Variants in TRAPPC9 observed in about 807,000 individuals in gnomAD.
TRAPPC9 encodes the protein trafficking protein particle complex subunit 9, also known as IKK2 binding protein.
TRAPPC9 carries 83 observed loss-of-function variants against 124.0 expected under a neutral mutation model. The observed-to-expected ratio is 0.67, with a 90% CI of 0.56 to 0.80. TRAPPC9 has a LOEUF of 0.80. Among genes scored for constraint, TRAPPC9 ranks in the 30% least tolerant of loss-of-function variants. The pLI is 0.00. For synonymous variants in TRAPPC9, 638 were observed against 617.5 expected, an observed-to-expected ratio of 1.03 and a Z score of -0.49; for missense variants, 1,302 against 1,508.3, an observed-to-expected ratio of 0.86 and a Z score of 2.27.
intron 17 of TRAPPC9, among the ~76,000 whole-genome samples, chr8:140,165,438 T>G (rs1232306055): frequency 6.7e-6 from 1 of 150,234 alleles, no homozygotes; most frequent in African/African-American, 2.5e-5. Context: ...ACTCGGGAGG[T>G]TGAGGCAGGA....
At chr8:140,233,332 G>A (rs561339869) in intron 16 of TRAPPC9, among the ~76,000 whole-genome samples, 3 of 152,112 alleles carry the variant, frequency 2.0e-5, no homozygotes, top group East Asian at 1.9e-4. Context: ...AGCCTCCCGA[G>A]TAGCTGGGAT....
intron 9 of TRAPPC9, among the ~76,000 whole-genome samples, chr8:140,352,620 T>G (rs1400448324): frequency 2.0e-5 from 3 of 152,146 alleles, no homozygotes; most frequent in African/African-American, 7.2e-5. Context: ...TGGCCGCCGC[T>G]CCCTGCCTGA....
intron 17 of TRAPPC9, among the ~76,000 whole-genome samples, chr8:140,219,329 G>C (rs1432990676): frequency 6.6e-6 from 1 of 152,198 alleles, no homozygotes; most frequent in Non-Finnish European, 1.5e-5. Flanking sequence ...CAAGACCCTA[G>C]TTCCCCTAAG....
At chr8:140,403,782 C>T (rs72692384) in intron 6 of TRAPPC9, among the ~76,000 whole-genome samples, 42,338 of 151,654 alleles carry the variant, frequency 0.28, 6,873 homozygotes, top group East Asian at 0.44. Context: ...CTCAGCCTCC[C>T]GAGTAGCTGG....
chr8:139,929,725 G>A (rs115404050), intron 19 of TRAPPC9, among the ~76,000 whole-genome samples: 297 of 152,360 alleles, frequency 1.9e-3, no homozygotes, highest in African/African-American at 6.8e-3. Context: ...CCATGCACCC[G>A]ACACATAGGT....
At chr8:139,885,735 T>A in intron 21 of TRAPPC9, 144 bp downstream of exon 21, 2 of 790,510 alleles carry the variant, frequency 2.5e-6, no homozygotes, top group Non-Finnish European at 4.2e-6. Context: ...TGAGCCCGTC[T>A]TTTTCCCCCA....
intron 5 of TRAPPC9, among the ~76,000 whole-genome samples, chr8:140,425,755 A>T (rs1382449146): frequency 6.6e-6 from 1 of 152,206 alleles, no homozygotes; most frequent in Non-Finnish European, 1.5e-5. Context: ...CTTCAGTGGC[A>T]TAAAGTCTGC....
At position 140,421,249 on chromosome 8, in the gene TRAPPC9, C is replaced by CAT. The variant is rs550544863; in HGVS notation, c.886+5364_886+5365dup. Among the ~76,000 whole-genome samples the CAT allele has an allele frequency of 2.5e-4, 38 of 152,284 alleles. No individual in the cohort carries two copies. In the South Asian group the frequency reaches 7.5e-3, roughly 30 times the overall value. On this transcript the variant is annotated intron_variant, in intron 5 of 22. Transcript: ENST00000438773. Reference sequence around the variant, plus strand: ...AGACGGAAATACATGCATGAACACACATATATATAAAGTCTACCCCCATGC... The same window carrying CAT: ...AGACGGAAATACATGCATGAACACACATATATATATAAAGTCTACCCCCATGC...
intron 15 of TRAPPC9, among the ~76,000 whole-genome samples, chr8:140,268,252 C>T (rs917959857): frequency 1.3e-5 from 2 of 152,190 alleles, no homozygotes; most frequent in Non-Finnish European, 2.9e-5. Context: ...GAGTCCTATA[C>T]TGTCTCTGCT....
chr8:139,768,747 A>G (rs1457121138), intron 21 of TRAPPC9, among the ~76,000 whole-genome samples: 1 of 152,238 alleles, frequency 6.6e-6, no homozygotes. Flanking sequence ...CTACTAACAT[A>G]CGTGACACCT....
chr8:139,880,366 T>G (rs936462417), intron 21 of TRAPPC9, among the ~76,000 whole-genome samples: 4 of 152,170 alleles, frequency 2.6e-5, no homozygotes, highest in Non-Finnish European at 5.9e-5. Flanking sequence ...CCACTGGGAC[T>G]CACAGATCCA....
At position 139,746,465 on chromosome 8, in the gene TRAPPC9, C is replaced by T. The variant is rs1049388837; in HGVS notation, c.3056-14263G>A. The stretch of plus-strand genomic sequence containing the variant: ...GAGGAGGGAGGAGCTGCAAGATAGG[C>T]GGGCTATGGGACCAACAGGTCCACG... On this transcript the variant is annotated intron_variant, in intron 21 of 22. Transcript: ENST00000438773. Among the ~76,000 whole-genome samples the T allele has an allele frequency of 2.6e-5, 4 of 152,106 alleles. No individual in the cohort carries two copies. The South Asian group carries it at 6.2e-4, about 24-fold the overall frequency.
intron 17 of TRAPPC9, among the ~76,000 whole-genome samples, chr8:140,137,191 AG>A (rs1166840552): frequency 3.3e-5 from 5 of 152,312 alleles, no homozygotes; most frequent in African/African-American, 1.2e-4. Context: ...ATTGGCAAAT[AG>A]ACAAAGCCAT....
intron 18 of TRAPPC9, among the ~76,000 whole-genome samples, chr8:140,010,411 G>A (rs1259615992): frequency 6.6e-6 from 1 of 152,080 alleles, no homozygotes; most frequent in African/African-American, 2.4e-5. Flanking sequence ...GTTCGCAAAA[G>A]GTGACCAAAA....
chr8:139,799,499 C>T (rs1407857324), intron 21 of TRAPPC9, among the ~76,000 whole-genome samples: 13 of 152,212 alleles, frequency 8.5e-5, no homozygotes, highest in Admixed American at 8.5e-4. Flanking sequence ...CCCTTACCCT[C>T]TCTGAATCAC....
chr8:140,235,651 G>A (rs139684837), intron 16 of TRAPPC9, among the ~76,000 whole-genome samples: 10 of 152,342 alleles, frequency 6.6e-5, no homozygotes, highest in South Asian at 2.1e-4. Context: ...AATGGGTGGC[G>A]AGGAGCTGGA....
chr8:139,758,335 TCTTA>T, intron 21 of TRAPPC9, among the ~76,000 whole-genome samples: 1 of 152,234 alleles, frequency 6.6e-6, no homozygotes, highest in East Asian at 1.9e-4. Flanking sequence ...GCTTTACATT[TCTTA>T]CTTGGTGATG....
intron 21 of TRAPPC9, among the ~76,000 whole-genome samples, chr8:139,823,278 C>A (rs372320040): frequency 1.3e-5 from 2 of 151,992 alleles, no homozygotes; most frequent in African/African-American, 4.8e-5. Flanking sequence ...AGGTGCCCAG[C>A]GGTCTGATGT....
chr8:140,377,645 T>C (rs1432338746), intron 7 of TRAPPC9, among the ~76,000 whole-genome samples: 1 of 152,122 alleles, frequency 6.6e-6, no homozygotes, highest in African/African-American at 2.4e-5. Context: ...GTCCCTCCAA[T>C]GACAACTCAT....
Sources: gnomAD v4.1 joint callset for allele counts (sites outside exome capture counted in the v4.1 genomes callset) on GRCh38, gnomAD v4.1.1 for gene constraint, MANE v1.5 for transcripts, NCBI Gene and HGNC (gene_info 2026-07-23, HGNC 2026-07-21) for gene names.